Variants in GPATCH8 observed in about 807,000 individuals in gnomAD.
GPATCH8 encodes the protein G patch domain-containing protein 8.
In GPATCH8, 18 loss-of-function variants were observed where a neutral mutation model predicts 118.3. That is an observed-to-expected ratio of 0.15 (90% CI 0.11 to 0.23). GPATCH8 has a LOEUF of 0.23. GPATCH8 is among the 10% of genes least tolerant of loss of function. GPATCH8 has a pLI of 1.00. For missense variants in GPATCH8, 1,631 were observed against 1,873.8 expected, an observed-to-expected ratio of 0.87 and a Z score of 2.39; for synonymous variants, 659 against 684.7, an observed-to-expected ratio of 0.96 and a Z score of 0.59.
intron 3 of GPATCH8, among the ~76,000 whole-genome samples, chr17:44,441,259 A>T (rs1483340982): frequency 6.6e-6 from 1 of 152,228 alleles, no homozygotes; most frequent in African/African-American, 2.4e-5. Flanking sequence ...AACAGAAGAC[A>T]TATGATTTCC....
intron 2 of GPATCH8, among the ~76,000 whole-genome samples, chr17:44,472,910 G>A (rs1227222247): frequency 3.3e-5 from 5 of 151,862 alleles, no homozygotes; most frequent in East Asian, 1.9e-4. Context: ...TGGCCAGGCT[G>A]GTCTCGAACT....
At chr17:44,406,648 A>G (rs2049244722) in intron 6 of GPATCH8, among the ~76,000 whole-genome samples, 1 of 152,132 alleles carries the variant, frequency 6.6e-6, no homozygotes, top group Non-Finnish European at 1.5e-5. Context: ...GCATGTTTAG[A>G]GCTCACCAGT....
intron 7 of GPATCH8, among the ~76,000 whole-genome samples, chr17:44,403,854 C>T (rs936921832): frequency 2.6e-5 from 4 of 152,040 alleles, no homozygotes; most frequent in Admixed American, 6.6e-5. Context: ...CCACCATGCC[C>T]GGCTAATTTT....
chr17:44,460,533 C>G (rs1286387550), intron 3 of GPATCH8, among the ~76,000 whole-genome samples: 3 of 152,186 alleles, frequency 2.0e-5, no homozygotes, highest in Admixed American at 1.3e-4. Flanking sequence ...GACATCAGCA[C>G]TGGAGCACCA....
chr17:44,427,945 A>G (rs1269507370), intron 5 of GPATCH8, among the ~76,000 whole-genome samples: 1 of 152,154 alleles, frequency 6.6e-6, no homozygotes, highest in Admixed American at 6.5e-5. Context: ...GTATCCATCC[A>G]TCCATCCATT....
At chr17:44,441,307 T>G (rs1176872348) in intron 3 of GPATCH8, among the ~76,000 whole-genome samples, 1 of 152,214 alleles carries the variant, frequency 6.6e-6, no homozygotes, top group East Asian at 1.9e-4. Context: ...GCTTCTACAG[T>G]GATTAAAACA....
At chr17:44,439,291 A>C (rs1450315483) in intron 3 of GPATCH8, among the ~76,000 whole-genome samples, 1 of 152,184 alleles carries the variant, frequency 6.6e-6, no homozygotes, top group African/African-American at 2.4e-5. Context: ...ACAACTCTTT[A>C]AGTGGCTCTC....
intron 5 of GPATCH8, among the ~76,000 whole-genome samples, chr17:44,425,600 C>A (rs541678321): frequency 2.0e-5 from 3 of 152,300 alleles, no homozygotes; most frequent in Non-Finnish European, 4.4e-5. Context: ...CAGTTCATGG[C>A]TCACTGCAGT....
chr17:44,400,308 T>G lies in GPATCH8; in HGVS notation c.1769A>C (p.Glu590Ala), dbSNP rs2048968266. 6.2e-7 allele frequency: 1 copy of G among 1,614,102 alleles called. No individual in the cohort carries two copies. Among genetic ancestry groups the G allele is most frequent in the East Asian group, 2.2e-5 (1 of 44,894 alleles). The change falls in exon 8 of 8, where the codon GAA becomes GCA. Residue 590 changes from glutamate (E) to alanine (A), a missense_variant. This residue lies in a region of GPATCH8 where 405 missense variants were observed against 462.7 expected (regional missense o/e 0.88). Coordinates refer to ENST00000591680, the MANE Select transcript of GPATCH8 (RefSeq NM_001002909.4). Reference protein sequence around the residue: ...RNKDARTKGTEKPKDIGSSSK... With the variant: ...RNKDARTKGTAKPKDIGSSSK... ...GGAGCTTCCTATATCCTTTGGTTTTTCTGTTCCTTTAGTTCTGGCATCTTT... is the reference window on the plus strand; with the variant it reads ...GGAGCTTCCTATATCCTTTGGTTTTGCTGTTCCTTTAGTTCTGGCATCTTT...
chr17:44,502,054 C>G (rs552176322), intron 1 of GPATCH8, among the ~76,000 whole-genome samples: 37 of 152,272 alleles, frequency 2.4e-4, no homozygotes, highest in African/African-American at 8.9e-4. Context: ...TGCAGCTATA[C>G]AGCAGGCGCA....
intron 7 of GPATCH8, among the ~76,000 whole-genome samples, chr17:44,404,599 T>C (rs1006979101): frequency 6.6e-6 from 1 of 152,158 alleles, no homozygotes; most frequent in Non-Finnish European, 1.5e-5. Context: ...CTTATCTCTA[T>C]CTTACAGATA....
At position 44,398,341 on chromosome 17, in the gene GPATCH8, C is replaced by T. The variant is rs1269618028; in HGVS notation, c.3736G>A (p.Asp1246Asn). The change falls in exon 8 of 8, where the codon GAC becomes AAC. Residue 1246 changes from aspartate to asparagine, a missense_variant. By Grantham distance (23) the Asp-to-Asn change is conservative. This residue lies in a region of GPATCH8 where 922 missense variants were observed against 879.7 expected (regional missense o/e 1.05). Transcript: ENST00000591680. ...TCCAGGGTGTCCCCATCACTGGGGT[C>T]GGGGAGGTAGTTATGGGAGATGGTT... is the stretch of plus-strand genomic sequence containing the variant. ...DPTISHNYLP[D>N]PSDGDTLESL... 19 of 1,613,868 alleles carry T rather than the reference C, an allele frequency of 1.2e-5. No homozygotes were observed. Among genetic ancestry groups the T allele is most frequent in the South Asian group, 4.4e-5 (4 of 91,080 alleles).
At chr17:44,480,039 C>A (rs1260755422) in intron 1 of GPATCH8, among the ~76,000 whole-genome samples, 1 of 151,006 alleles carries the variant, frequency 6.6e-6, no homozygotes, top group Non-Finnish European at 1.5e-5. Flanking sequence ...AAAAAAAAAT[C>A]AGAAACCAAT....
chr17:44,486,507 A>T lies in GPATCH8; in HGVS notation c.46-11604T>A, dbSNP rs537371246. 46 of 152,314 alleles carry T rather than the reference A, an allele frequency of 3.0e-4. No homozygotes were observed. The East Asian group carries it at 8.7e-3, about 29-fold the overall frequency. The allele number at this position is 152,314 out of a possible 1,614,324, so 9.4% of individuals were successfully genotyped here. ...AAAAATTTTTTTTAACAATTTTTGT[A>T]ATAACTTTAATCTTACCTCTAAATA... On this transcript the variant is annotated intron_variant, in intron 1 of 7. Coordinates refer to ENST00000591680, the MANE Select transcript of GPATCH8 (RefSeq NM_001002909.4).
chr17:44,494,320 G>A (rs146636279), intron 1 of GPATCH8, among the ~76,000 whole-genome samples: 373 of 152,170 alleles, frequency 2.5e-3, no homozygotes, highest in African/African-American at 8.8e-3. Context: ...GGCCGGGCAC[G>A]GTGGCTCACA....
chr17:44,451,041 T>C lies in GPATCH8; in HGVS notation c.193+13431A>G, dbSNP rs371982428. 5.3e-5 allele frequency among the ~76,000 whole-genome samples: 8 copies of C among 152,304 alleles called. No individual in the cohort carries two copies. In the East Asian group the frequency reaches 7.7e-4, roughly 15 times the overall value. ...ATTTGTTACATTATTTGTTTCCCTA[T>C]TAGAAATAAACCTCTGGAGGGCAGA... On this transcript the variant is annotated intron_variant, in intron 3 of 7. Transcript: ENST00000591680.
chr17:44,424,310 A>ATAGGTACCTTCTTCTGT (rs1172366818), intron 6 of GPATCH8, 39 bp downstream of exon 6: 1 of 1,410,828 alleles, frequency 7.1e-7, no homozygotes, highest in East Asian at 2.3e-5. Context: ...GTAACAATAG[A>ATAGGTACCTTCTTCTGT]TAGGTACCTT....
chr17:44,407,401 CA>C (rs1375325229), intron 6 of GPATCH8: 1 of 152,016 alleles, frequency 6.6e-6, no homozygotes, highest in Non-Finnish European at 1.5e-5. Flanking sequence ...CAATCAGGGA[CA>C]AAGCCATCAA....
At chr17:44,475,418 G>C (rs1311678519) in intron 1 of GPATCH8, among the ~76,000 whole-genome samples, 1 of 150,926 alleles carries the variant, frequency 6.6e-6, no homozygotes, top group Non-Finnish European at 1.5e-5. Context: ...TTTATAAAAG[G>C]CCGGGCGCGG....
Sources: gnomAD v4.1 joint callset for allele counts (sites outside exome capture counted in the v4.1 genomes callset) on GRCh38, gnomAD v4.1.1 for gene constraint, gnomAD v4.1.1 regional missense constraint, MANE v1.5 for transcripts, NCBI Gene and HGNC (gene_info 2026-07-23, HGNC 2026-07-21) for gene names.